The following RSU1 variants were observed in gnomAD, a reference collection of about 807,000 sequenced individuals.
RSU1 encodes rsu-1.
Under a neutral mutation model 31.1 loss-of-function variants are expected in RSU1, and 26 were observed. That is an observed-to-expected ratio of 0.84 (90% CI 0.61 to 1.16). The LOEUF is 1.16. Ranked by LOEUF, RSU1 falls within the 50% of genes most tolerant of loss-of-function variation. The pLI is 0.00. For synonymous variants in RSU1, 164 were observed against 136.3 expected, an observed-to-expected ratio of 1.20 and a Z score of -1.41; for missense variants, 320 against 339.1, an observed-to-expected ratio of 0.94 and a Z score of 0.44.
intron 2 of RSU1, among the ~76,000 whole-genome samples, chr10:16,798,779 C>A (rs1838091276): frequency 6.6e-6 from 1 of 152,172 alleles, no homozygotes; most frequent in African/African-American, 2.4e-5. Flanking sequence ...AAGTCATACT[C>A]CAGTAAAATT....
chr10:16,670,348 CCACT>C (rs1177090613), intron 8 of RSU1, among the ~76,000 whole-genome samples: 1 of 152,154 alleles, frequency 6.6e-6, no homozygotes, highest in African/African-American at 2.4e-5. Flanking sequence ...CAAGATATGG[CCACT>C]CAATCTGATA....
chr10:16,602,203 G>A (rs1242830934), intron 8 of RSU1, among the ~76,000 whole-genome samples: 1 of 152,076 alleles, frequency 6.6e-6, no homozygotes, highest in Non-Finnish European at 1.5e-5. Flanking sequence ...AAAGCCCTAC[G>A]GGATGTATCA....
chr10:16,784,761 A>T (rs1837735110), intron 2 of RSU1, among the ~76,000 whole-genome samples: 1 of 152,184 alleles, frequency 6.6e-6, no homozygotes, highest in Non-Finnish European at 1.5e-5. Context: ...CGTGAGACTT[A>T]TTCACTATAA....
At chr10:16,702,698 T>C (rs913653702) in intron 7 of RSU1, among the ~76,000 whole-genome samples, 28 of 152,320 alleles carry the variant, frequency 1.8e-4, no homozygotes, top group Non-Finnish European at 4.0e-4. Context: ...ACTTATTTTT[T>C]ATTTTATAGG....
At position 16,752,588 on chromosome 10, in the gene RSU1, T is replaced by C; in HGVS notation, c.549A>G (p.Lys183=). The change falls in exon 7 of 9, where the codon AAA becomes AAG. Residue 183 remains lysine, a synonymous_variant. Coordinates refer to ENST00000345264, the MANE Select transcript of RSU1 (RefSeq NM_012425.4). Reference sequence around the variant, plus strand: ...GGCGGTTCCCCTGAATGTGGAGCTCTTTAAGCTGGGTAAGCTCCCCGATTT... The same window carrying C: ...GGCGGTTCCCCTGAATGTGGAGCTCCTTAAGCTGGGTAAGCTCCCCGATTT... ...PKEIGELTQL[K]ELHIQGNRLT... 6.2e-7 allele frequency: 1 copy of C among 1,614,174 alleles called. No individual in the cohort carries two copies. Among genetic ancestry groups the C allele is most frequent in the Non-Finnish European group, 8.5e-7 (1 of 1,179,998 alleles).
chr10:16,609,815 GAGTTA>G (rs980907015), intron 8 of RSU1, among the ~76,000 whole-genome samples: 6 of 152,198 alleles, frequency 3.9e-5, no homozygotes, highest in South Asian at 2.1e-4. Flanking sequence ...TACCTCGAGT[GAGTTA>G]AGTTCTCTTC....
At chr10:16,699,427 T>C (rs373078213) in intron 7 of RSU1, among the ~76,000 whole-genome samples, 33 of 152,254 alleles carry the variant, frequency 2.2e-4, no homozygotes, top group African/African-American at 7.5e-4. Context: ...CCGACTCATA[T>C]TGGCCTAGCA....
intron 2 of RSU1, among the ~76,000 whole-genome samples, chr10:16,805,685 C>CTTT (rs780025224): frequency 7.6e-6 from 1 of 132,192 alleles, no homozygotes; most frequent in Admixed American, 7.6e-5. Context: ...AAAAAAAAAG[C>CTTT]TTTTTTTTTT....
chr10:16,711,318 T>G (rs1402916334), intron 7 of RSU1, among the ~76,000 whole-genome samples: 2 of 129,962 alleles, frequency 1.5e-5, no homozygotes, highest in Non-Finnish European at 3.3e-5. Flanking sequence ...TAAAGTTTGT[T>G]GATTTTGCTT....
chr10:16,725,665 G>A (rs932503869), intron 7 of RSU1, among the ~76,000 whole-genome samples: 3 of 151,682 alleles, frequency 2.0e-5, no homozygotes, highest in East Asian at 1.9e-4. Flanking sequence ...TTCTCCAGAG[G>A]ATGCAGTGTC....
chr10:16,707,069 T>C (rs772688012), intron 7 of RSU1, among the ~76,000 whole-genome samples: 1 of 152,212 alleles, frequency 6.6e-6, no homozygotes, highest in Non-Finnish European at 1.5e-5. Context: ...TTGTGGCAAA[T>C]GAGAAGATTT....
At chr10:16,751,348 A>C (rs1836975675) in intron 7 of RSU1, among the ~76,000 whole-genome samples, 1 of 152,192 alleles carries the variant, frequency 6.6e-6, no homozygotes, top group Non-Finnish European at 1.5e-5. Context: ...GATTTTTAAC[A>C]CTAGCAAGAG....
intron 3 of RSU1, among the ~76,000 whole-genome samples, chr10:16,769,176 T>C (rs1376533932): frequency 3.9e-5 from 6 of 152,226 alleles, no homozygotes; most frequent in Non-Finnish European, 8.8e-5. Flanking sequence ...TTCTGTTGAA[T>C]AGAGTAAGGA....
intron 8 of RSU1, among the ~76,000 whole-genome samples, chr10:16,616,371 C>CAAAA (rs529296931): frequency 3.1e-4 from 28 of 90,906 alleles, no homozygotes; most frequent in East Asian, 8.4e-4. Flanking sequence ...GCCTACCAAC[C>CAAAA]AAAAAAAAAA....
chr10:16,779,826 C>A (rs1837612581), intron 3 of RSU1, among the ~76,000 whole-genome samples: 1 of 152,128 alleles, frequency 6.6e-6, no homozygotes, highest in Admixed American at 6.5e-5. Context: ...AAAACCATAG[C>A]AAAGTCATTC....
intron 2 of RSU1, among the ~76,000 whole-genome samples, chr10:16,805,254 A>T (rs11254203): frequency 0.019 from 2,842 of 152,290 alleles, 86 homozygotes; most frequent in East Asian, 0.16. Context: ...CAGCAATCAT[A>T]GCAAACGTAA....
At chr10:16,784,193 C>G (rs959473534) in intron 2 of RSU1, among the ~76,000 whole-genome samples, 6 of 151,918 alleles carry the variant, frequency 3.9e-5, no homozygotes, top group African/African-American at 1.2e-4. Context: ...GCAATCCCCC[C>G]ACCTCAGACT....
At chr10:16,645,985 CAT>C (rs1475963631) in intron 8 of RSU1, among the ~76,000 whole-genome samples, 2 of 72,562 alleles carry the variant, frequency 2.8e-5, no homozygotes, top group Admixed American at 1.4e-4. Context: ...TGTGTATATA[CAT>C]ATATGTGTAT....
At chr10:16,706,348 C>A (rs1835902386) in intron 7 of RSU1, among the ~76,000 whole-genome samples, 1 of 152,124 alleles carries the variant, frequency 6.6e-6, no homozygotes, top group South Asian at 2.1e-4. Context: ...TCCGTAATGA[C>A]TAGAGATGTT....
Sources: gnomAD v4.1 joint callset for allele counts (sites outside exome capture counted in the v4.1 genomes callset) on GRCh38, gnomAD v4.1.1 for gene constraint, MANE v1.5 for transcripts, NCBI Gene and HGNC (gene_info 2026-07-23, HGNC 2026-07-21) for gene names.